TLE1: variants seen among roughly 807,000 people sequenced by gnomAD.
TLE1 encodes the protein transducin-like enhancer protein 1.
Under a neutral mutation model 89.8 loss-of-function variants are expected in TLE1, and 21 were observed. The ratio of observed to expected loss-of-function variants is 0.23; its 90% CI spans 0.17 to 0.34. The LOEUF is 0.34. TLE1 is among the 10% of genes least tolerant of loss of function. The pLI is 1.00. For missense variants in TLE1, 795 were observed against 1,031.2 expected (o/e 0.77, Z 3.14); for synonymous variants, 447 against 407.6 (o/e 1.10, Z -1.16).
chr9:81,613,903 TTTC>T (rs199783944), intron 11 of TLE1, among the ~76,000 whole-genome samples: 20,218 of 134,704 alleles, frequency 0.15, 3,258 homozygotes, highest in East Asian at 0.46. Flanking sequence ...CCCCTTTTCT[TTTC>T]TTTTTTTTTT....
chr9:81,647,738 T>C (rs1256461133), intron 6 of TLE1, among the ~76,000 whole-genome samples: 1 of 152,152 alleles, frequency 6.6e-6, no homozygotes, highest in Non-Finnish European at 1.5e-5. Flanking sequence ...TAACTGACTA[T>C]ATGAGGTCAT....
At chr9:81,597,128 A>T (rs768369088) in intron 14 of TLE1, among the ~76,000 whole-genome samples, 3 of 152,118 alleles carry the variant, frequency 2.0e-5, no homozygotes, top group Non-Finnish European at 4.4e-5. Context: ...CTGTTTCGTG[A>T]TCCATAAGAT....
intron 8 of TLE1, among the ~76,000 whole-genome samples, chr9:81,629,195 C>T (rs1826266394): frequency 6.6e-6 from 1 of 152,056 alleles, no homozygotes; most frequent in Admixed American, 6.6e-5. Flanking sequence ...TAAAAGCATG[C>T]CCTATTATAA....
At chr9:81,641,646 A>C (rs1336719871) in intron 6 of TLE1, among the ~76,000 whole-genome samples, 2 of 152,236 alleles carry the variant, frequency 1.3e-5, no homozygotes, top group South Asian at 2.1e-4. Flanking sequence ...TTCTCAAAGA[A>C]GACACACAAA....
At chr9:81,646,696 A>G (rs1828903986) in intron 6 of TLE1, among the ~76,000 whole-genome samples, 1 of 152,228 alleles carries the variant, frequency 6.6e-6, no homozygotes, top group Non-Finnish European at 1.5e-5. Context: ...GCAAGAGTGG[A>G]GAGCCCTTTA....
chr9:81,667,691 T>A (rs1395905378), intron 4 of TLE1, among the ~76,000 whole-genome samples: 2 of 150,146 alleles, frequency 1.3e-5, no homozygotes, highest in African/African-American at 2.5e-5. Context: ...AGCGGGGAAG[T>A]CCCAGCCCTT....
At chr9:81,647,023 G>A (rs768118085) in intron 6 of TLE1, among the ~76,000 whole-genome samples, 1 of 151,920 alleles carries the variant, frequency 6.6e-6, no homozygotes, top group Non-Finnish European at 1.5e-5. Context: ...GCCTAAACCC[G>A]AATTTCATGG....
intron 9 of TLE1, among the ~76,000 whole-genome samples, chr9:81,619,217 A>G (rs1409278590): frequency 6.6e-6 from 1 of 152,192 alleles, no homozygotes; most frequent in Non-Finnish European, 1.5e-5. Flanking sequence ...GGAGAATGAT[A>G]TGTGCTAAAA....
Position 81,652,604 on chromosome 9 carries a change from A to G in TLE1, c.298-316T>C, listed in dbSNP as rs181871821. 6.6e-4 allele frequency among the ~76,000 whole-genome samples: 100 copies of G among 152,324 alleles called. 1 individual carries two copies. The highest frequency in any genetic ancestry group is 2.3e-3 in the African/African-American group (96 of 41,582). Reference sequence around the variant, plus strand: ...AAAAATAAATAGAACAGAATTTGGAAGATCACCCTTGTTCACAAAAGGGGT... The same window carrying G: ...AAAAATAAATAGAACAGAATTTGGAGGATCACCCTTGTTCACAAAAGGGGT... On this transcript the variant is annotated intron_variant, in intron 5 of 19. Coordinates refer to ENST00000376499, the MANE Select transcript of TLE1 (RefSeq NM_005077.5).
chr9:81,676,209 A>G (rs1017090864), intron 4 of TLE1, among the ~76,000 whole-genome samples: 2 of 151,964 alleles, frequency 1.3e-5, no homozygotes, highest in African/African-American at 2.4e-5. Flanking sequence ...ACCACTACAC[A>G]TAAGGAGTAC....
intron 14 of TLE1, among the ~76,000 whole-genome samples, chr9:81,601,846 A>G (rs1404274889): frequency 6.6e-6 from 1 of 152,192 alleles, no homozygotes; most frequent in Non-Finnish European, 1.5e-5. Flanking sequence ...GAATCACAGG[A>G]TCTTACACAA....
At chr9:81,669,017 A>G (rs925341124) in intron 4 of TLE1, among the ~76,000 whole-genome samples, 3 of 152,202 alleles carry the variant, frequency 2.0e-5, no homozygotes, top group Non-Finnish European at 4.4e-5. Context: ...CCACAGCACC[A>G]GAAACCAAAT....
chr9:81,655,257 G>A (rs1022724259), intron 4 of TLE1, among the ~76,000 whole-genome samples: 5 of 152,010 alleles, frequency 3.3e-5, no homozygotes, highest in Admixed American at 6.6e-5. Context: ...CCAGCTACTC[G>A]GGAGGCTGCG....
chr9:81,591,592 G>A (rs539796257), intron 15 of TLE1, among the ~76,000 whole-genome samples: 21 of 152,166 alleles, frequency 1.4e-4, no homozygotes, highest in East Asian at 7.7e-4. Context: ...CATCAAAACC[G>A]ACACATATGA....
intron 8 of TLE1, among the ~76,000 whole-genome samples, chr9:81,628,906 C>G (rs370398751): frequency 1.3e-5 from 2 of 152,084 alleles, no homozygotes; most frequent in African/African-American, 2.4e-5. Flanking sequence ...AGTCTCTCCC[C>G]AGAATTCTGC....
At chr9:81,672,992 G>T (rs763394241) in intron 4 of TLE1, among the ~76,000 whole-genome samples, 3 of 151,866 alleles carry the variant, frequency 2.0e-5, no homozygotes, top group Non-Finnish European at 2.9e-5. Flanking sequence ...TGCCAACAAG[G>T]CCGGACGCGG....
intron 6 of TLE1, among the ~76,000 whole-genome samples, chr9:81,639,990 ACCCCTCCCC>A (rs1827908322): frequency 6.6e-6 from 1 of 151,292 alleles, no homozygotes; most frequent in Admixed American, 6.6e-5. Flanking sequence ...CAATTTTGAC[ACCCCTCCCC>A]TCCCTGCTTC....
At chr9:81,646,645 A>ATAATCCAACATTTTAC (rs1828898693) in intron 6 of TLE1, among the ~76,000 whole-genome samples, 1 of 152,188 alleles carries the variant, frequency 6.6e-6, no homozygotes, top group Non-Finnish European at 1.5e-5. Context: ...AAGGAGAAAA[A>ATAATCCAACATTTTAC]TAATCCAACA....
chr9:81,687,797 G>A (rs896401100), intron 1 of TLE1, among the ~76,000 whole-genome samples: 1 of 152,024 alleles, frequency 6.6e-6, no homozygotes, highest in African/African-American at 2.4e-5. Flanking sequence ...GACCAGAGGA[G>A]AAAAACAACT....
Sources: gnomAD v4.1 joint callset for allele counts (sites outside exome capture counted in the v4.1 genomes callset) on GRCh38, gnomAD v4.1.1 for gene constraint, MANE v1.5 for transcripts, NCBI Gene and HGNC (gene_info 2026-07-23, HGNC 2026-07-21) for gene names.